The following RIMS2 variants were observed in gnomAD, a reference collection of about 807,000 sequenced individuals.
RIMS2 encodes regulating synaptic membrane exocytosis 2.
In RIMS2, 59 loss-of-function variants were observed where a neutral mutation model predicts 174.4. The observed-to-expected ratio is 0.34, with a 90% confidence interval of 0.27 to 0.42. RIMS2 has a LOEUF of 0.42. RIMS2 is among the 10% of genes least tolerant of loss of function. The probability of loss-of-function intolerance (pLI) is 1.00; values close to 1 mark genes in which losing one functional copy is unlikely to be tolerated. For synonymous variants in RIMS2, 606 were observed against 572.5 expected (o/e 1.06, Z -0.84); for missense variants, 1,620 against 1,666.3 (o/e 0.97, Z 0.48).
intron 2 of RIMS2, among the ~76,000 whole-genome samples, chr8:103,727,118 A>G (rs1564422250): frequency 6.6e-6 from 1 of 152,000 alleles, no homozygotes; most frequent in Non-Finnish European, 1.5e-5. Context: ...TAGAAAGGAT[A>G]TAGATTTTTT....
intron 19 of RIMS2, among the ~76,000 whole-genome samples, chr8:104,151,019 C>T (rs1319521193): frequency 1.3e-5 from 2 of 152,018 alleles, no homozygotes; most frequent in African/African-American, 4.8e-5. Flanking sequence ...TGGAAAAGAG[C>T]ATTTAAGGAT....
chr8:103,609,535 G>A (rs1240183186), intron 1 of RIMS2, among the ~76,000 whole-genome samples: 1 of 152,098 alleles, frequency 6.6e-6, no homozygotes, highest in Non-Finnish European at 1.5e-5. Context: ...GTTTGGATAT[G>A]GTATAAAGAA....
intron 3 of RIMS2, among the ~76,000 whole-genome samples, chr8:103,787,000 G>T (rs1002367358): frequency 1.3e-5 from 2 of 150,872 alleles, no homozygotes; most frequent in Non-Finnish European, 2.9e-5. Context: ...TCTTCTTGTT[G>T]AATTGATCCC....
intron 19 of RIMS2, chr8:104,068,523 A>G (rs771403433): frequency 1.0e-5 from 15 of 1,494,798 alleles, no homozygotes; most frequent in Non-Finnish European, 1.4e-5. Flanking sequence ...TACTATGGAT[A>G]TAGAGGAGAG....
intron 19 of RIMS2, among the ~76,000 whole-genome samples, chr8:104,210,941 G>T (rs558966835): frequency 8.3e-4 from 127 of 152,306 alleles, no homozygotes; most frequent in African/African-American, 3.0e-3. Context: ...TCTTATGTCT[G>T]TTGAAATAAA....
chr8:104,110,569 CTTG>C (rs1751860042), intron 19 of RIMS2, among the ~76,000 whole-genome samples: 1 of 152,110 alleles, frequency 6.6e-6, no homozygotes, highest in Admixed American at 6.6e-5. Flanking sequence ...CATGGGTTCT[CTTG>C]TTAAGTCTTT....
intron 3 of RIMS2, among the ~76,000 whole-genome samples, chr8:103,823,338 A>G (rs1283423451): frequency 1.3e-5 from 2 of 151,904 alleles, no homozygotes; most frequent in East Asian, 1.9e-4. Flanking sequence ...TTTTTTTTCA[A>G]TTGCAAGTAA....
chr8:103,591,122 G>A (rs772208568), intron 1 of RIMS2, among the ~76,000 whole-genome samples: 12 of 150,886 alleles, frequency 8.0e-5, no homozygotes, highest in Non-Finnish European at 1.5e-4. Flanking sequence ...TGTAGAGGTA[G>A]CTCTCTGTGG....
intron 19 of RIMS2, among the ~76,000 whole-genome samples, chr8:104,161,134 C>T (rs1294709828): frequency 6.6e-6 from 1 of 152,024 alleles, no homozygotes; most frequent in African/African-American, 2.4e-5. Flanking sequence ...TAAATGACAG[C>T]TGTTATTAAT....
chr8:104,007,778 C>T (rs1322968582), intron 17 of RIMS2, among the ~76,000 whole-genome samples: 2 of 152,178 alleles, frequency 1.3e-5, no homozygotes, highest in South Asian at 2.1e-4. Context: ...ATGACTGAGG[C>T]AGATAGTATT....
At position 104,175,675 on chromosome 8, in the gene RIMS2, A is replaced by G. The variant is rs996819070; in HGVS notation, c.3335-69241A>G. Among the ~76,000 whole-genome samples the G allele has an allele frequency of 2.0e-5, 3 of 152,174 alleles. No homozygotes were observed. In the East Asian group the frequency reaches 5.8e-4, roughly 29 times the overall value. On this transcript the variant is annotated intron_variant, in intron 19 of 23. Coordinates refer to ENST00000504942, the Ensembl canonical transcript of RIMS2. ...CCCCAAACCACATTGAAACTTACTC[A>G]TAAAGGTGGATTTTGAAGAACAGAG...
intron 3 of RIMS2, among the ~76,000 whole-genome samples, chr8:103,798,825 G>A (rs2098578840): frequency 2.6e-5 from 4 of 151,844 alleles, no homozygotes; most frequent in Admixed American, 1.3e-4. Flanking sequence ...TTGCAGACAT[G>A]ATTAAGGTTA....
chr8:103,985,080 G>C (rs866191014), intron 16 of RIMS2, among the ~76,000 whole-genome samples: 4 of 152,210 alleles, frequency 2.6e-5, no homozygotes, highest in South Asian at 4.1e-4. Flanking sequence ...AATGGTTAAC[G>C]GGTACAAATA....
chr8:104,211,558 C>T (rs1431644810), intron 19 of RIMS2, among the ~76,000 whole-genome samples: 1 of 144,474 alleles, frequency 6.9e-6, no homozygotes, highest in Admixed American at 6.9e-5. Context: ...TGACATGACC[C>T]AATGTGGAAT....
chr8:103,897,047 G>A (rs968239661), intron 4 of RIMS2, among the ~76,000 whole-genome samples: 3 of 151,654 alleles, frequency 2.0e-5, no homozygotes, highest in Non-Finnish European at 4.4e-5. Context: ...GGGCTTTAAA[G>A]CATGATACAT....
At chr8:104,095,535 GT>G (rs1264088186) in intron 19 of RIMS2, among the ~76,000 whole-genome samples, 1 of 152,236 alleles carries the variant, frequency 6.6e-6, no homozygotes, top group Non-Finnish European at 1.5e-5. Flanking sequence ...AAGTCAGTAA[GT>G]AAGTATGAAG....
At chr8:104,201,888 A>G (rs2099056669) in intron 19 of RIMS2, among the ~76,000 whole-genome samples, 1 of 152,206 alleles carries the variant, frequency 6.6e-6, no homozygotes, top group African/African-American at 2.4e-5. Flanking sequence ...ATTCAGCTCT[A>G]TTGTAGAAGC....
intron 4 of RIMS2, among the ~76,000 whole-genome samples, chr8:103,889,184 CTAA>C (rs2099226434): frequency 1.3e-5 from 2 of 151,610 alleles, no homozygotes; most frequent in African/African-American, 4.8e-5. Context: ...TGATAGTTAA[CTAA>C]TGTTAGAAAA....
chr8:104,072,822 T>C (rs1191512165), intron 19 of RIMS2, among the ~76,000 whole-genome samples: 1 of 152,174 alleles, frequency 6.6e-6, no homozygotes, highest in East Asian at 1.9e-4. Flanking sequence ...GCTACTGTCT[T>C]TCTAAGAATA....
Sources: allele counts gnomAD v4.1 joint callset (sites outside exome capture counted in the v4.1 genomes callset), GRCh38; gene constraint gnomAD v4.1.1; transcripts MANE v1.5; gene names NCBI Gene and HGNC (gene_info 2026-07-23, HGNC 2026-07-21).